The following CLIP1 variants were observed in gnomAD, a reference collection of about 807,000 sequenced individuals.
The protein encoded by CLIP1 is CAP-Gly domain-containing linker protein 1.
Under a neutral mutation model 161.6 loss-of-function variants are expected in CLIP1, and 66 were observed. That is an observed-to-expected ratio of 0.41 (90% CI 0.33 to 0.50). The LOEUF (loss-of-function observed/expected upper bound fraction) is 0.50, where lower values mean the gene tolerates loss of function less well. Ranked by LOEUF, CLIP1 falls within the 20% of genes least tolerant of loss-of-function variation. The pLI, the probability that CLIP1 is intolerant of heterozygous loss-of-function variation, is 0.27. For synonymous variants in CLIP1, 598 were observed against 626.2 expected (o/e 0.96, Z 0.67); for missense variants, 1,376 against 1,702.0 (o/e 0.81, Z 3.37).
intron 4 of CLIP1, 72 bp from the exon 5 acceptor site, chr12:122,361,253 T>C: frequency 7.9e-7 from 1 of 1,269,278 alleles, no homozygotes; most frequent in South Asian, 1.4e-5. Context: ...ACCAAAAGGT[T>C]CTCCCAACTC....
intron 19 of CLIP1, among the ~76,000 whole-genome samples, chr12:122,310,531 C>T (rs1329435260): frequency 6.6e-6 from 1 of 151,722 alleles, no homozygotes; most frequent in Non-Finnish European, 1.5e-5. Flanking sequence ...AAATATAATA[C>T]AGACTGCTAA....
chr12:122,387,577 TATATA>T (rs1955366006), intron 1 of CLIP1, among the ~76,000 whole-genome samples: 1 of 4,194 alleles, frequency 2.4e-4, no homozygotes, highest in African/African-American at 4.4e-4. Context: ...TATATATATA[TATATA>T]TATATATATT....
chr12:122,295,394 C>T (rs1342978522), intron 20 of CLIP1, among the ~76,000 whole-genome samples: 1 of 152,156 alleles, frequency 6.6e-6, no homozygotes, highest in African/African-American at 2.4e-5. Context: ...AAACTAGATA[C>T]ATAAGGCTAT....
intron 3 of CLIP1, among the ~76,000 whole-genome samples, chr12:122,372,486 C>T (rs1954503639): frequency 6.6e-6 from 1 of 151,000 alleles, no homozygotes; most frequent in African/African-American, 2.4e-5. Flanking sequence ...ACTTGGGAAG[C>T]TGAGGCAGGA....
chr12:122,343,775 T>C (rs1258195763), intron 10 of CLIP1: 1 of 152,256 alleles, frequency 6.6e-6, no homozygotes, highest in East Asian at 1.9e-4. Context: ...AGAAAATTAC[T>C]TCCCTCTGCT....
At chr12:122,324,864 C>G (rs927872655) in intron 17 of CLIP1, among the ~76,000 whole-genome samples, 2 of 152,094 alleles carry the variant, frequency 1.3e-5, no homozygotes, top group African/African-American at 4.8e-5. Flanking sequence ...ACCACAGGAC[C>G]TTACTTAAGG....
At chr12:122,283,325 G>C (rs1166772451) in intron 21 of CLIP1, among the ~76,000 whole-genome samples, 1 of 151,274 alleles carries the variant, frequency 6.6e-6, no homozygotes, top group African/African-American at 2.4e-5. Context: ...TTTATGCTTG[G>C]GGAAAAATTT....
At chr12:122,280,369 T>C (rs1955600246) in intron 21 of CLIP1, 2 of 152,156 alleles carry the variant, frequency 1.3e-5, no homozygotes, top group South Asian at 4.1e-4. Flanking sequence ...GAGCCGGCCA[T>C]ACTGAAAGTT....
chr12:122,347,305 A>G (rs1444125439), intron 10 of CLIP1, 70 bp downstream of exon 10: 1 of 1,164,988 alleles, frequency 8.6e-7, no homozygotes, highest in African/African-American at 1.5e-5. Flanking sequence ...GCCAACTATA[A>G]AGCATGTCAC....
At chr12:122,390,280 A>ATATATATATATATATATATATATATG (rs1955580874) in intron 1 of CLIP1, among the ~76,000 whole-genome samples, 18 of 25,808 alleles carry the variant, frequency 7.0e-4, no homozygotes, top group Non-Finnish European at 1.9e-3. Context: ...ATATATATAC[A>ATATATATATATATATATATATATATG]TATATATATA....
intron 20 of CLIP1, among the ~76,000 whole-genome samples, chr12:122,293,968 C>T (rs919801992): frequency 5.3e-5 from 8 of 151,796 alleles, no homozygotes; most frequent in Non-Finnish European, 1.2e-4. Flanking sequence ...ACTTACCATA[C>T]TAGCAATTCC....
At chr12:122,313,787 G>A (rs1432661450) in intron 19 of CLIP1, among the ~76,000 whole-genome samples, 1 of 152,092 alleles carries the variant, frequency 6.6e-6, no homozygotes, top group Non-Finnish European at 1.5e-5. Flanking sequence ...CTGAGGGTAG[G>A]TGACGTGACA....
intron 21 of CLIP1, among the ~76,000 whole-genome samples, chr12:122,282,936 C>T (rs1293800191): frequency 6.6e-6 from 1 of 152,138 alleles, no homozygotes; most frequent in African/African-American, 2.4e-5. Context: ...GACAGTCAGA[C>T]AGTTAGCAAC....
chr12:122,328,757 A>G (rs1279070185), intron 15 of CLIP1, among the ~76,000 whole-genome samples: 2 of 152,018 alleles, frequency 1.3e-5, no homozygotes, highest in African/African-American at 4.8e-5. Context: ...ACTTTTTTGT[A>G]TTTTTAGTAG....
Position 122,283,171 on chromosome 12 carries a change from G to T in CLIP1, c.3648-4026C>A, listed in dbSNP as rs370733944. Among the ~76,000 whole-genome samples, 5 of 152,194 alleles carry T rather than the reference G, an allele frequency of 3.3e-5. No homozygotes were observed. The South Asian group carries it at 6.2e-4, about 19-fold the overall frequency. On this transcript the variant is annotated intron_variant, in intron 21 of 25. Transcript: ENST00000620786. The stretch of plus-strand genomic sequence containing the variant: ...AAACCGGCTCCCAAATCTGCATCAG[G>T]CTTCAGAGGCACAGATGAACAAACT...
intron 10 of CLIP1, 60 bp from the exon 11 acceptor site, chr12:122,341,757 CTTTTCTTTTTTTTTTTTTTTTTT>C: frequency 1.1e-5 from 1 of 89,260 alleles, no homozygotes; most frequent in Non-Finnish European, 2.3e-5. Context: ...TGACTATTTT[CTTTTCTTTTTTTTTTTTTTTTTT>C]TTTTTTTTTT....
intron 1 of CLIP1, among the ~76,000 whole-genome samples, chr12:122,389,635 T>G (rs949204608): frequency 6.6e-6 from 1 of 151,738 alleles, no homozygotes; most frequent in African/African-American, 2.4e-5. Context: ...GGTGCATGCC[T>G]GTAGGCCCAG....
rs772442021 is a variant in CLIP1 at position 122,279,051 on chromosome 12, CG to C, written c.3741del (p.Glu1248SerfsTer5). 6.2e-7 allele frequency: 1 copy of C among 1,612,596 alleles called. No homozygotes were observed. On this transcript the variant is annotated frameshift_variant, in exon 22 of 26. Transcript: ENST00000620786. LOFTEE classifies it high-confidence loss of function. The surrounding 1 kb of genome is among the most constrained non-coding windows in gnomAD (Gnocchi z 4.5). Reference sequence around the variant, plus strand: ...ACCTCATTTCTCAGTTTCTCCAGCTCGGCATCCTTTTCTGTGAGTAAGGCAC... The same window carrying C: ...ACCTCATTTCTCAGTTTCTCCAGCTCGCATCCTTTTCTGTGAGTAAGGCAC... ...ITSALLTEKD[A>X]ELEKLRNEVT...
chr12:122,305,330 C>G (rs1950826035), intron 20 of CLIP1, among the ~76,000 whole-genome samples: 1 of 152,156 alleles, frequency 6.6e-6, no homozygotes, highest in Non-Finnish European at 1.5e-5. Context: ...ACTGGGGAGC[C>G]TGAGGCTGAA....
Sources: gnomAD v4.1 joint callset for allele counts (sites outside exome capture counted in the v4.1 genomes callset) on GRCh38, gnomAD v4.1.1 for gene constraint, Gnocchi (gnomAD v3.1) non-coding constraint, MANE v1.5 for transcripts, NCBI Gene and HGNC (gene_info 2026-07-23, HGNC 2026-07-21) for gene names.